Variants in FBXO4 observed in about 807,000 individuals in gnomAD.
The protein encoded by FBXO4 is F-box only protein 4.
FBXO4 carries 36 observed loss-of-function variants against 43.7 expected under a neutral mutation model. That is an observed-to-expected ratio of 0.82 (90% CI 0.63 to 1.09). The LOEUF is 1.09. Ranked by LOEUF, FBXO4 falls within the 50% of genes least tolerant of loss-of-function variation. The pLI, the probability that FBXO4 is intolerant of heterozygous loss-of-function variation, is 0.00. For synonymous variants in FBXO4, 180 were observed against 165.6 expected (o/e 1.09, Z -0.67); for missense variants, 435 against 474.1 (o/e 0.92, Z 0.77).
the FBXO4 span, among the ~76,000 whole-genome samples, chr5:42,005,068 A>G: frequency 1.3e-5 from 2 of 152,152 alleles, no homozygotes; most frequent in Non-Finnish European, 2.9e-5. Context: ...CTCTCACCTC[A>G]TCATCTCCAA....
At chr5:41,954,898 C>A in the FBXO4 span, among the ~76,000 whole-genome samples, 1 of 152,140 alleles carries the variant, frequency 6.6e-6, no homozygotes, top group Non-Finnish European at 1.5e-5. Context: ...TTCTTCACTT[C>A]TAGAGGAATT....
the FBXO4 span, among the ~76,000 whole-genome samples, chr5:42,033,916 G>C: frequency 6.6e-6 from 1 of 152,302 alleles, no homozygotes; most frequent in South Asian, 2.1e-4. Context: ...TCTGGTTCTA[G>C]ATCCTTGAGG....
At chr5:42,037,722 C>G in the FBXO4 span, among the ~76,000 whole-genome samples, 1 of 152,094 alleles carries the variant, frequency 6.6e-6, no homozygotes, top group Non-Finnish European at 1.5e-5. Context: ...TGAAGGGCCA[C>G]AGGGGAAGCT....
chr5:42,007,907 C>CT, the FBXO4 span, among the ~76,000 whole-genome samples: 1 of 151,992 alleles, frequency 6.6e-6, no homozygotes, highest in African/African-American at 2.4e-5. Context: ...TCAAGCAAAA[C>CT]TTTTTTTCTA....
At chr5:41,956,776 G>T in the FBXO4 span, among the ~76,000 whole-genome samples, 1 of 148,724 alleles carries the variant, frequency 6.7e-6, no homozygotes, top group East Asian at 2.0e-4. Flanking sequence ...GCAGTGGCGA[G>T]ATCTCAGCCC....
chr5:42,028,189 A>G, the FBXO4 span, among the ~76,000 whole-genome samples: 1 of 151,846 alleles, frequency 6.6e-6, no homozygotes, highest in Non-Finnish European at 1.5e-5. Flanking sequence ...TTTGCTTTAT[A>G]CATGTTGGTG....
the FBXO4 span, among the ~76,000 whole-genome samples, chr5:41,956,629 A>G: frequency 6.7e-6 from 1 of 149,728 alleles, no homozygotes; most frequent in Non-Finnish European, 1.5e-5. Context: ...ATGATATTTC[A>G]TTGTTCTGTT....
chr5:41,956,432 C>G, the FBXO4 span, among the ~76,000 whole-genome samples: 2 of 152,166 alleles, frequency 1.3e-5, no homozygotes, highest in African/African-American at 4.8e-5. Context: ...GAGAAATTGA[C>G]TGAAAACATT....
chr5:41,999,481 A>ATATATACG, the FBXO4 span, among the ~76,000 whole-genome samples: 1 of 10,400 alleles, frequency 9.6e-5, no homozygotes, highest in African/African-American at 1.9e-4. Flanking sequence ...ATATATACAC[A>ATATATACG]TATATATATA....
chr5:42,017,537 G>T, the FBXO4 span, among the ~76,000 whole-genome samples: 5 of 151,720 alleles, frequency 3.3e-5, no homozygotes, highest in African/African-American at 1.2e-4. Context: ...GAATTATCCT[G>T]TTACTTAGGA....
downstream of FBXO4, among the ~76,000 whole-genome samples, chr5:41,944,830 C>T (rs1482264600): frequency 1.3e-5 from 2 of 152,148 alleles, no homozygotes; most frequent in Non-Finnish European, 2.9e-5. Context: ...TGCAATGGCA[C>T]ATAAGTTGAT....
chr5:41,987,957 GGCCCT>G, the FBXO4 span, among the ~76,000 whole-genome samples: 1 of 152,098 alleles, frequency 6.6e-6, no homozygotes, highest in African/African-American at 2.4e-5. Context: ...TAATGCCAAT[GGCCCT>G]GCCATATCTG....
downstream of FBXO4, among the ~76,000 whole-genome samples, chr5:41,944,003 C>T (rs1464480456): frequency 6.6e-6 from 1 of 152,176 alleles, no homozygotes; most frequent in Non-Finnish European, 1.5e-5. Context: ...AGAAACCAAA[C>T]CTGTTGACAC....
At chr5:41,974,829 G>A in the FBXO4 span, among the ~76,000 whole-genome samples, 2 of 151,958 alleles carry the variant, frequency 1.3e-5, no homozygotes, top group African/African-American at 2.4e-5. Flanking sequence ...CTTACTTTTT[G>A]TATTCCTCAT....
At position 41,929,754 on chromosome 5, in the gene FBXO4, T is replaced by C; in HGVS notation, c.483T>C (p.Tyr161=). 6.2e-7 allele frequency: 1 copy of C among 1,614,162 alleles called. No individual in the cohort carries two copies. Among genetic ancestry groups the C allele is most frequent in the Non-Finnish European group, 8.5e-7 (1 of 1,180,018 alleles). Reference sequence around the variant, plus strand: ...CTTCAAAATCCAGCCGTCCTATGTATGGAGCTGTCACTTCTTTTTTACACT... The same window carrying C: ...CTTCAAAATCCAGCCGTCCTATGTACGGAGCTGTCACTTCTTTTTTACACT... ...RRASKSSRPM[Y]GAVTSFLHSL... is the part of the protein sequence containing the mutation. The change falls in exon 3 of 7, where the codon TAT becomes TAC. Residue 161 remains tyrosine, a synonymous_variant. Transcript: ENST00000281623.
At chr5:42,032,057 CTGTGTG>C in the FBXO4 span, among the ~76,000 whole-genome samples, 4,192 of 139,280 alleles carry the variant, frequency 0.03, 134 homozygotes, top group African/African-American at 0.069. Context: ...GTCTTTTTTT[CTGTGTG>C]TGTGTGTGTG....
the FBXO4 span, among the ~76,000 whole-genome samples, chr5:42,027,219 C>G: frequency 2.0e-4 from 30 of 151,872 alleles, no homozygotes; most frequent in South Asian, 5.0e-3. Context: ...CAGCTTTGAT[C>G]TCATTACTTG....
the FBXO4 span, among the ~76,000 whole-genome samples, chr5:41,985,396 A>G: frequency 6.6e-6 from 1 of 152,234 alleles, no homozygotes; most frequent in South Asian, 2.1e-4. Flanking sequence ...ATTGAAAGAA[A>G]TAGGATTACA....
chr5:41,983,980 C>T, the FBXO4 span, among the ~76,000 whole-genome samples: 1 of 151,932 alleles, frequency 6.6e-6, no homozygotes, highest in Non-Finnish European at 1.5e-5. Context: ...ATACCTCTGC[C>T]TATCATCATT....
Sources: allele counts gnomAD v4.1 joint callset (sites outside exome capture counted in the v4.1 genomes callset), GRCh38; gene constraint gnomAD v4.1.1; transcripts MANE v1.5; gene names NCBI Gene and HGNC (gene_info 2026-07-23, HGNC 2026-07-21).